ENOX1: variants seen among roughly 807,000 people sequenced by gnomAD.
ENOX1 encodes candidate growth-related and time keeping constitutive hydroquinone (NADH) oxidase.
ENOX1 carries 42 observed loss-of-function variants against 82.5 expected under a neutral mutation model. That is an observed-to-expected ratio of 0.51 (90% confidence interval 0.40 to 0.66). The LOEUF (loss-of-function observed/expected upper bound fraction) is 0.66, where lower values mean the gene tolerates loss of function less well. ENOX1 is among the 30% of genes least tolerant of loss of function. The pLI, the probability that ENOX1 is intolerant of heterozygous loss-of-function variation, is 0.00. For synonymous variants in ENOX1, 271 were observed against 282.2 expected (o/e 0.96, Z 0.40); for missense variants, 608 against 811.6 (o/e 0.75, Z 3.05).
At chr13:43,290,735 T>C (rs1047423798) in intron 12 of ENOX1, among the ~76,000 whole-genome samples, 1 of 152,170 alleles carries the variant, frequency 6.6e-6, no homozygotes, top group African/African-American at 2.4e-5. Flanking sequence ...GTATCTAAAA[T>C]AGAAGTTGAG....
At chr13:43,283,166 A>G (rs551403197) in intron 12 of ENOX1, among the ~76,000 whole-genome samples, 2 of 152,052 alleles carry the variant, frequency 1.3e-5, no homozygotes, top group South Asian at 2.1e-4. Flanking sequence ...ATTTTTTCCT[A>G]TTGAAATTTG....
chr13:43,323,332 C>T (rs988559482), intron 10 of ENOX1, among the ~76,000 whole-genome samples: 4 of 152,206 alleles, frequency 2.6e-5, no homozygotes, highest in African/African-American at 9.6e-5. Flanking sequence ...AAGATCACAC[C>T]TTACTTTCTC....
At chr13:43,377,661 G>A (rs1180556454) in intron 5 of ENOX1, among the ~76,000 whole-genome samples, 1 of 152,200 alleles carries the variant, frequency 6.6e-6, no homozygotes, top group Non-Finnish European at 1.5e-5. Flanking sequence ...CGCCAGGCAA[G>A]GTGCTAGGCA....
At chr13:43,763,397 T>C (rs890455638) in intron 1 of ENOX1, among the ~76,000 whole-genome samples, 1 of 152,170 alleles carries the variant, frequency 6.6e-6, no homozygotes, top group Non-Finnish European at 1.5e-5. Flanking sequence ...TCACTAAGCC[T>C]ATTCATGAGA....
chr13:43,617,599 C>T (rs1371043839), intron 2 of ENOX1, among the ~76,000 whole-genome samples: 1 of 151,900 alleles, frequency 6.6e-6, no homozygotes, highest in Non-Finnish European at 1.5e-5. Context: ...TTATATATAC[C>T]ACGGTTTCTT....
chr13:43,521,236 A>G (rs1337164088), intron 2 of ENOX1, among the ~76,000 whole-genome samples: 5 of 152,152 alleles, frequency 3.3e-5, no homozygotes, highest in Non-Finnish European at 7.4e-5. Context: ...TTTTATGAAT[A>G]TATTATTAAA....
At chr13:43,549,199 TCA>T (rs2079088685) in intron 2 of ENOX1, among the ~76,000 whole-genome samples, 1 of 152,230 alleles carries the variant, frequency 6.6e-6, no homozygotes, top group Admixed American at 6.5e-5. Flanking sequence ...TTCTTCTCTC[TCA>T]GAGTGTATCA....
intron 2 of ENOX1, among the ~76,000 whole-genome samples, chr13:43,516,407 A>G (rs2077563092): frequency 6.6e-6 from 1 of 152,188 alleles, no homozygotes; most frequent in African/African-American, 2.4e-5. Context: ...TACACGTTAG[A>G]GAAGGTTTGC....
intron 9 of ENOX1, among the ~76,000 whole-genome samples, chr13:43,327,027 A>G (rs1318530964): frequency 6.6e-6 from 1 of 152,184 alleles, no homozygotes; most frequent in Non-Finnish European, 1.5e-5. Flanking sequence ...CAAGTTCCAA[A>G]TTGGGACAAT....
intron 2 of ENOX1, among the ~76,000 whole-genome samples, chr13:43,487,554 T>TC (rs1176451141): frequency 6.6e-6 from 1 of 152,148 alleles, no homozygotes; most frequent in African/African-American, 2.4e-5. Flanking sequence ...AGGTACACGA[T>TC]CCCATGGGGT....
chr13:43,339,043 A>T (rs1008383541), intron 9 of ENOX1, among the ~76,000 whole-genome samples: 1 of 152,158 alleles, frequency 6.6e-6, no homozygotes, highest in Non-Finnish European at 1.5e-5. Flanking sequence ...GCTAAAAACA[A>T]TGACTGTTTG....
At chr13:43,647,963 A>C (rs1307534726) in intron 2 of ENOX1, among the ~76,000 whole-genome samples, 1 of 152,188 alleles carries the variant, frequency 6.6e-6, no homozygotes, top group Non-Finnish European at 1.5e-5. Context: ...CAACCAAGGA[A>C]TGTGTGTGAC....
At chr13:43,278,008 G>T (rs1040374527) in intron 12 of ENOX1, among the ~76,000 whole-genome samples, 2 of 152,062 alleles carry the variant, frequency 1.3e-5, no homozygotes, top group African/African-American at 4.8e-5. Context: ...AGTTAAGCAG[G>T]TACAATTGTA....
chr13:43,622,769 A>G (rs1008410977), intron 2 of ENOX1, among the ~76,000 whole-genome samples: 1 of 151,944 alleles, frequency 6.6e-6, no homozygotes, highest in African/African-American at 2.4e-5. Flanking sequence ...AGAGAGCGTC[A>G]GCTGTGGTAG....
intron 2 of ENOX1, among the ~76,000 whole-genome samples, chr13:43,530,839 A>G (rs1246074864): frequency 6.6e-6 from 1 of 152,052 alleles, no homozygotes; most frequent in African/African-American, 2.4e-5. Context: ...TTTTAAGAAA[A>G]AAATTACATT....
At chr13:43,777,329 T>C (rs1951974818) in intron 1 of ENOX1, among the ~76,000 whole-genome samples, 2 of 152,190 alleles carry the variant, frequency 1.3e-5, no homozygotes, top group African/African-American at 4.8e-5. Context: ...TAAAAAAGGC[T>C]GACTTTTAAA....
chr13:43,274,995 G>A (rs1196765682), intron 12 of ENOX1, among the ~76,000 whole-genome samples: 1 of 152,172 alleles, frequency 6.6e-6, no homozygotes, highest in Admixed American at 6.5e-5. Context: ...AGAGATTAAG[G>A]TCATGCTGTC....
chr13:43,520,349 A>G (rs1380507748), intron 2 of ENOX1, among the ~76,000 whole-genome samples: 1 of 152,130 alleles, frequency 6.6e-6, no homozygotes, highest in Non-Finnish European at 1.5e-5. Context: ...ACAACAGTCA[A>G]TCTGCACACA....
intron 12 of ENOX1, among the ~76,000 whole-genome samples, chr13:43,297,079 AAC>A (rs1326849205): frequency 6.6e-6 from 1 of 152,234 alleles, no homozygotes; most frequent in Non-Finnish European, 1.5e-5. Context: ...TGATTAGTCT[AAC>A]ACACACTGTG....
Sources: gnomAD v4.1 joint callset for allele counts (sites outside exome capture counted in the v4.1 genomes callset) on GRCh38, gnomAD v4.1.1 for gene constraint, MANE v1.5 for transcripts, NCBI Gene and HGNC (gene_info 2026-07-23, HGNC 2026-07-21) for gene names.